The following BMERB1 variants were observed in gnomAD, a reference collection of about 807,000 sequenced individuals.
BMERB1 encodes bMERB domain-containing protein 1.
BMERB1 carries 12 observed loss-of-function variants against 23.6 expected under a neutral mutation model. That is an observed-to-expected ratio of 0.51 (90% CI 0.33 to 0.82). The LOEUF (loss-of-function observed/expected upper bound fraction) is 0.82, where lower values mean the gene tolerates loss of function less well. Among genes scored for constraint, BMERB1 ranks in the 40% least tolerant of loss-of-function variants. BMERB1 has a pLI of 0.03. For missense variants in BMERB1, 247 were observed against 255.4 expected (o/e 0.97, Z 0.22); for synonymous variants, 122 against 96.6 (o/e 1.26, Z -1.54).
At chr16:15,541,904 AATT>A (rs1567491836) in intron 2 of BMERB1, among the ~76,000 whole-genome samples, 1 of 96,040 alleles carries the variant, frequency 1.0e-5, no homozygotes, top group Non-Finnish European at 2.1e-5. Context: ...ACCCGGCCTA[AATT>A]TTTTTTTTTT....
Position 15,584,557 on chromosome 16 carries a change from C to CAA in BMERB1, c.502+1332_502+1333dup, listed in dbSNP as rs35390787. On this transcript the variant is annotated intron_variant, in intron 5 of 5. Transcript: ENST00000300006. ...TGGGTGACACAGCAAGACTCCATCT[C>CAA]AAAAAAAAAAAAAAGAAAGAAAGAA... Among the ~76,000 whole-genome samples, 98 of 125,070 alleles carry CAA rather than the reference C, an allele frequency of 7.8e-4. 1 individual carries two copies. Among genetic ancestry groups the CAA allele is most frequent in the East Asian group, 5.0e-3 (21 of 4,240 alleles). 82.1% of individuals were successfully genotyped at this position (125,070 alleles called of 152,430 possible).
At chr16:15,447,768 TGGA>T (rs1025142840) in intron 1 of BMERB1, among the ~76,000 whole-genome samples, 1 of 152,050 alleles carries the variant, frequency 6.6e-6, no homozygotes, top group Non-Finnish European at 1.5e-5. Flanking sequence ...TTCGCTGCAT[TGGA>T]GGAGTTGTGA....
intron 1 of BMERB1, among the ~76,000 whole-genome samples, chr16:15,503,312 C>T (rs1053702076): frequency 4.0e-5 from 6 of 151,728 alleles, no homozygotes; most frequent in South Asian, 2.1e-4. Flanking sequence ...GACGGAGTCT[C>T]GCTCTGTTGC....
At chr16:15,536,737 T>G (rs1226778290) in intron 2 of BMERB1, 2 of 152,176 alleles carry the variant, frequency 1.3e-5, no homozygotes, top group Non-Finnish European at 2.9e-5. Flanking sequence ...CAGAGTCTTG[T>G]CTAGTTGTTC....
At chr16:15,458,778 T>G (rs765190298) in intron 1 of BMERB1, among the ~76,000 whole-genome samples, 1 of 147,306 alleles carries the variant, frequency 6.8e-6, no homozygotes, top group Non-Finnish European at 1.5e-5. Context: ...ACCTCAGAAC[T>G]ACTAAGGAAA....
chr16:15,454,510 G>C (rs1039712120), intron 1 of BMERB1, among the ~76,000 whole-genome samples: 1 of 152,042 alleles, frequency 6.6e-6, no homozygotes, highest in Admixed American at 6.6e-5. Context: ...GCAATCATTA[G>C]GGCTGGTCAT....
At chr16:15,565,159 A>G (rs994858334) in intron 2 of BMERB1, among the ~76,000 whole-genome samples, 6 of 152,136 alleles carry the variant, frequency 3.9e-5, no homozygotes, top group Non-Finnish European at 1.5e-5. Flanking sequence ...GAAAGGAGTC[A>G]GCAGCCCCGG....
At chr16:15,516,779 C>T (rs1443990628) in intron 2 of BMERB1, among the ~76,000 whole-genome samples, 3 of 152,234 alleles carry the variant, frequency 2.0e-5, no homozygotes, top group African/African-American at 7.2e-5. Flanking sequence ...GGCCTCCCAG[C>T]TAGTAAATGG....
rs372237531 is a variant in BMERB1 at position 15,465,353 on chromosome 16, A to ATATTT, written c.106+30595_106+30596insATTTT. 1.1e-3 allele frequency among the ~76,000 whole-genome samples: 151 copies of ATATTT among 133,460 alleles called. 3 individuals are homozygous for ATATTT. The highest frequency in any genetic ancestry group is 8.8e-4 in the Admixed American group (12 of 13,618). The allele number at this position is 133,460 out of a possible 152,430, so 87.6% of individuals were successfully genotyped here. On this transcript the variant is annotated intron_variant, in intron 1 of 5. Transcript: ENST00000300006. Reference sequence around the variant, plus strand: ...AAATTTGGTCAATGCTAAGATATATATTTTTTTTTTTTTTTTTGAGACTGG... The same window carrying ATATTT: ...AAATTTGGTCAATGCTAAGATATATATATTTTTTTTTTTTTTTTTTTTGAGACTGG...
chr16:15,529,181 C>T (rs762714900), intron 2 of BMERB1, among the ~76,000 whole-genome samples: 6 of 152,084 alleles, frequency 3.9e-5, no homozygotes, highest in Admixed American at 6.6e-5. Flanking sequence ...CCCACCACCA[C>T]GCCCGGCTAA....
At chr16:15,509,293 A>C (rs1433415535) in intron 1 of BMERB1, among the ~76,000 whole-genome samples, 1 of 113,332 alleles carries the variant, frequency 8.8e-6, no homozygotes, top group African/African-American at 3.6e-5. Flanking sequence ...AGGAGGCTGG[A>C]TTACGTGGTT....
At chr16:15,584,037 A>G (rs1294331048) in intron 5 of BMERB1, 2 of 702,244 alleles carry the variant, frequency 2.8e-6, no homozygotes, top group Non-Finnish European at 5.2e-6. Context: ...CCAGAAGCAT[A>G]TGTCTCAGAA....
intron 1 of BMERB1, among the ~76,000 whole-genome samples, chr16:15,471,711 A>G (rs1234741207): frequency 1.3e-5 from 2 of 152,030 alleles, no homozygotes; most frequent in Non-Finnish European, 1.5e-5. Flanking sequence ...TCAGCCTCCA[A>G]AGTAGCTGGA....
At chr16:15,557,585 G>GT (rs2030299398) in intron 2 of BMERB1, among the ~76,000 whole-genome samples, 1 of 152,192 alleles carries the variant, frequency 6.6e-6, no homozygotes, top group African/African-American at 2.4e-5. Context: ...TCAGCTGCAA[G>GT]TAACACAGCG....
At chr16:15,586,025 A>G (rs1408888744) in intron 5 of BMERB1, among the ~76,000 whole-genome samples, 2 of 152,210 alleles carry the variant, frequency 1.3e-5, no homozygotes, top group African/African-American at 4.8e-5. Context: ...AGATGCTATG[A>G]AAAAAGAATA....
rs188853995 is a variant in BMERB1, at chr16:15,509,431, C to G, written c.107-5874C>G. ...AACAAGTCACTTTCCTTCTCTAAGC[C>G]TCAGAGTCATCTCAGTAAAATAGAG... is the stretch of plus-strand genomic sequence containing the variant. On this transcript the variant is annotated intron_variant, in intron 1 of 5. Transcript: ENST00000300006. Among the ~76,000 whole-genome samples the G allele has an allele frequency of 2.6e-5, 4 of 152,148 alleles. No homozygotes were observed. In the East Asian group the frequency reaches 7.7e-4, roughly 29 times the overall value.
intron 2 of BMERB1, among the ~76,000 whole-genome samples, chr16:15,522,527 T>C (rs888636829): frequency 4.6e-5 from 7 of 152,214 alleles, no homozygotes; most frequent in Non-Finnish European, 1.0e-4. Context: ...TAGTGTTTTA[T>C]TGTTTTGATT....
chr16:15,560,358 C>T (rs2030382923), intron 2 of BMERB1, among the ~76,000 whole-genome samples: 1 of 152,226 alleles, frequency 6.6e-6, no homozygotes, highest in Non-Finnish European at 1.5e-5. Context: ...CACCAGAACC[C>T]TCGGAGTAGA....
intron 1 of BMERB1, among the ~76,000 whole-genome samples, chr16:15,454,302 A>G (rs2051066036): frequency 6.6e-6 from 1 of 152,208 alleles, no homozygotes; most frequent in African/African-American, 2.4e-5. Flanking sequence ...ACACGTTTTC[A>G]TTACTTTTGT....
Sources: gnomAD v4.1 joint callset for allele counts (sites outside exome capture counted in the v4.1 genomes callset) on GRCh38, gnomAD v4.1.1 for gene constraint, MANE v1.5 for transcripts, NCBI Gene and HGNC (gene_info 2026-07-23, HGNC 2026-07-21) for gene names.